Variants in CENPM observed in about 807,000 individuals in gnomAD.
CENPM encodes interphase centromere complex protein 39.
Under a neutral mutation model 19.6 loss-of-function variants are expected in CENPM, and 14 were observed. The observed-to-expected ratio is 0.71, with a 90% CI of 0.47 to 1.11. The LOEUF is 1.11. Among genes scored for constraint, CENPM ranks in the 50% most tolerant of loss-of-function variants. The probability of loss-of-function intolerance (pLI) is 0.00; values close to 1 mark genes in which losing one functional copy is unlikely to be tolerated. For synonymous variants in CENPM, 114 were observed against 101.5 expected (o/e 1.12, Z -0.74); for missense variants, 239 against 228.4 (o/e 1.05, Z -0.30).
intron 5 of CENPM, among the ~76,000 whole-genome samples, chr22:41,939,904 AAG>A (rs1335619153): frequency 2.8e-5 from 2 of 70,788 alleles, no homozygotes; most frequent in Admixed American, 1.4e-4. Context: ...GAAAGAAAGA[AAG>A]AGCCTCCAGA....
the CENPM span, among the ~76,000 whole-genome samples, chr22:41,932,973 G>A: frequency 6.6e-6 from 1 of 152,220 alleles, no homozygotes; most frequent in East Asian, 1.9e-4. This position sits in a 1 kb window ranked among gnomAD's most constrained non-coding sequence, Gnocchi z 4.3. Flanking sequence ...GGGACACAAC[G>A]TAGTGGGTGG....
At chr22:41,943,725 T>C (rs775061023) in intron 4 of CENPM, 24 bp from the exon 5 acceptor site, 6 of 1,602,496 alleles carry the variant, frequency 3.7e-6, no homozygotes, top group African/African-American at 2.7e-5. Context: ...ATGAGTGCTA[T>C]AGCTGCAATC....
intron 1 of CENPM, chr22:41,946,738 CAGG>C (rs2077809332): frequency 5.0e-6 from 3 of 598,328 alleles, no homozygotes; most frequent in South Asian, 2.0e-5. Context: ...CCGGCCTCTC[CAGG>C]AGGCCAGACC....
At chr22:41,945,739 G>C (rs1352964837) in intron 3 of CENPM, among the ~76,000 whole-genome samples, 174 bp downstream of exon 3, 1 of 152,036 alleles carries the variant, frequency 6.6e-6, no homozygotes, top group African/African-American at 2.4e-5. Context: ...CCCGGCCGTT[G>C]TGTATTTTAA....
chr22:41,932,708 TG>T, the CENPM span, among the ~76,000 whole-genome samples: 1 of 152,192 alleles, frequency 6.6e-6, no homozygotes, highest in African/African-American at 2.4e-5. This position sits in a 1 kb window ranked among gnomAD's most constrained non-coding sequence, Gnocchi z 4.3. Context: ...CCCCACCTCT[TG>T]GGGGCCAGGT....
intron 5 of CENPM, among the ~76,000 whole-genome samples, chr22:41,941,671 G>GCAAGT (rs2077739972): frequency 6.6e-6 from 1 of 152,242 alleles, no homozygotes; most frequent in Non-Finnish European, 1.5e-5. Context: ...CTGACCCTGA[G>GCAAGT]CAAGTCGCCT....
intron 4 of CENPM, chr22:41,944,750 C>T: frequency 1.0e-6 from 1 of 985,400 alleles, no homozygotes; most frequent in Non-Finnish European, 1.2e-6. Flanking sequence ...GAGACTAGCT[C>T]AGAAGGCAGA....
downstream of CENPM, among the ~76,000 whole-genome samples, chr22:41,937,592 C>T (rs1329604823): frequency 6.6e-6 from 1 of 152,112 alleles, no homozygotes; most frequent in Non-Finnish European, 1.5e-5. Context: ...TGAGTGCCTA[C>T]CTAGCAAGGT....
Position 41,945,944 on chromosome 22 carries a change from C to G in CENPM, c.199G>C (p.Val67Leu), listed in dbSNP as rs764205345. The G allele has an allele frequency of 6.2e-7, 1 of 1,613,836 alleles. No individual in the cohort carries two copies. Among genetic ancestry groups the G allele is most frequent in the Non-Finnish European group, 8.5e-7 (1 of 1,179,934 alleles). ...TTGCTGTGAAGATTAACCACAAACA[C>G]GATCAGGTCAATTCGGGGCCGATTC... The part of the protein sequence containing the change: ...SVNRPRIDLI[V>L]FVVNLHSKYS... The change falls in exon 3 of 6, where the codon GTG (valine) becomes CTG (leucine). Residue 67 changes from valine to leucine, a missense_variant. Physicochemically the swap from Val to Leu is conservative, Grantham distance 32. Transcript: ENST00000215980.
Position 41,945,244 on chromosome 22 carries a change from C to T in CENPM, c.291G>A (p.Val97=). ...HVDASFFLGK[V]CFLATGAGRE... is the part of the protein sequence containing the mutation. ...ACTTACCACCTGTGGCGAGGAAACA[C>T]ACCTTCCCCAAGAAGAAGCTGGCAT... Residue 97 remains valine (V), a synonymous_variant, in exon 4 of 6, where the codon GTG becomes GTA. Transcript: ENST00000215980. The T allele has an allele frequency of 6.2e-7, 1 of 1,613,946 alleles. No individual in the cohort carries two copies. The highest frequency in any genetic ancestry group is 8.5e-7 in the Non-Finnish European group (1 of 1,180,016).
the CENPM span, among the ~76,000 whole-genome samples, chr22:41,933,665 C>T: frequency 1.3e-5 from 2 of 152,128 alleles, no homozygotes; most frequent in Non-Finnish European, 2.9e-5. Context: ...GCCCACCCCA[C>T]TGTCTCCCTC....
At position 41,943,654 on chromosome 22, in the gene CENPM, G is replaced by C; in HGVS notation, c.358C>G (p.Leu120Val). The C allele has an allele frequency of 1.9e-6, 3 of 1,613,876 alleles. No homozygotes were observed. Among genetic ancestry groups the C allele is most frequent in the Non-Finnish European group, 2.5e-6 (3 of 1,179,944 alleles). ...CSIHRHTVVKLAHTYQSPLLY... is the reference protein window; with the variant it reads ...CSIHRHTVVKVAHTYQSPLLY... ...AGGGGGCTTTGATAGGTGTGGGCCA[G>C]CTTCACCACGGTGTGCCGGTGAATG... Residue 120 changes from leucine to valine, a missense_variant, in exon 5 of 6, where the codon CTG becomes GTG. Physicochemically the swap from Leu to Val is conservative, Grantham distance 32 (BLOSUM62 1). Transcript: ENST00000215980.
chr22:41,928,121 G>C, the CENPM span: 2 of 384,712 alleles, frequency 5.2e-6, no homozygotes, highest in South Asian at 4.1e-5. This position sits in a 1 kb window ranked among gnomAD's most constrained non-coding sequence, Gnocchi z 4.0. Context: ...GTGGCTGGGG[G>C]ACACGAGGGA....
chr22:41,931,517 T>C, the CENPM span, among the ~76,000 whole-genome samples: 1 of 151,984 alleles, frequency 6.6e-6, no homozygotes, highest in Non-Finnish European at 1.5e-5. Flanking sequence ...ACAAGATAGT[T>C]TGGGGTCTTC....
chr22:41,946,572 C>A lies in CENPM; in HGVS notation c.58-76G>T, dbSNP rs146316465. ...GGGGAGGGCCTGGCCCTTCGACCCA[C>A]TCCCGGGGGGATCGGGACACCGCCA... On this transcript the variant is annotated intron_variant, in intron 1 of 5. Transcript: ENST00000215980. The A allele has an allele frequency of 8.0e-4, 997 of 1,239,558 alleles. 5 individuals are homozygous for A. In the African/African-American group the frequency reaches 0.014, roughly 17 times the overall value. 76.8% of individuals were successfully genotyped at this position (1,239,558 alleles called of 1,614,324 possible).
chr22:41,943,625 G>C lies in CENPM; in HGVS notation c.387C>G (p.Leu129=), dbSNP rs759282568. The change falls in exon 5 of 6, where the codon CTC becomes CTG. Residue 129 remains leucine (L), a synonymous_variant. Coordinates refer to ENST00000215980, the MANE Select transcript of CENPM (RefSeq NM_024053.5). ...KLAHTYQSPL[L]YCDLEVEGFR... ...GCATGCTCACCTCCAGGTCACAGTA[G>C]AGCAGGGGGCTTTGATAGGTGTGGG... The C allele has an allele frequency of 3.7e-6, 6 of 1,613,852 alleles. No individual in the cohort carries two copies. The highest frequency in any genetic ancestry group is 1.7e-4 in the Middle Eastern group (1 of 6,006).
At chr22:41,934,480 T>C (rs535003067), downstream of CENPM, among the ~76,000 whole-genome samples, 1 of 152,294 alleles carries the variant, frequency 6.6e-6, no homozygotes, top group South Asian at 2.1e-4. Flanking sequence ...CCAGTAGCCT[T>C]CGCCCCCCCA....
At chr22:41,935,874 CTTT>C (rs763615752), downstream of CENPM, among the ~76,000 whole-genome samples, 1 of 140,482 alleles carries the variant, frequency 7.1e-6, no homozygotes. Flanking sequence ...ATGCCCAAAT[CTTT>C]TTTTTTTTTT....
chr22:41,934,047 TCA>T (rs2077674139), downstream of CENPM, among the ~76,000 whole-genome samples: 1 of 152,160 alleles, frequency 6.6e-6, no homozygotes, highest in Admixed American at 6.5e-5. Context: ...CTGCCCCAAG[TCA>T]CACTGCAGAT....
Sources: gnomAD v4.1 joint callset for allele counts (sites outside exome capture counted in the v4.1 genomes callset) on GRCh38, gnomAD v4.1.1 for gene constraint, Gnocchi (gnomAD v3.1) non-coding constraint, MANE v1.5 for transcripts, NCBI Gene and HGNC (gene_info 2026-07-23, HGNC 2026-07-21) for gene names.